The following NRXN1 variants were observed in gnomAD, a reference collection of about 807,000 sequenced individuals.
The protein encoded by NRXN1 is neurexin 1.
NRXN1 carries 39 observed loss-of-function variants against 150.9 expected under a neutral mutation model. That is an observed-to-expected ratio of 0.26 (90% confidence interval 0.20 to 0.34). NRXN1 has a LOEUF of 0.34. Among genes scored for constraint, NRXN1 ranks in the 10% least tolerant of loss-of-function variants. NRXN1 has a pLI of 1.00. For missense variants in NRXN1, 1,815 were observed against 1,949.9 expected (o/e 0.93, Z 1.30); for synonymous variants, 924 against 757.0 (o/e 1.22, Z -3.62).
intron 5 of NRXN1, among the ~76,000 whole-genome samples, chr2:50,901,858 T>C (rs1180342450): frequency 6.6e-6 from 1 of 152,200 alleles, no homozygotes; most frequent in East Asian, 1.9e-4. Context: ...TTTTCAAGCT[T>C]TCAAAATGTT....
intron 19 of NRXN1, among the ~76,000 whole-genome samples, chr2:50,065,858 G>A (rs868582138): frequency 1.4e-4 from 21 of 152,248 alleles, no homozygotes; most frequent in Middle Eastern, 6.8e-3. Flanking sequence ...GATCCTAGTT[G>A]TGACACAAAA....
intron 18 of NRXN1, among the ~76,000 whole-genome samples, chr2:50,194,625 CCA>C (rs2061644650): frequency 6.6e-6 from 1 of 152,110 alleles, no homozygotes; most frequent in Admixed American, 6.6e-5. Flanking sequence ...GACTTGAATT[CCA>C]GTGTCATCTT....
chr2:50,095,538 T>C (rs961985403), intron 18 of NRXN1, among the ~76,000 whole-genome samples: 5 of 152,156 alleles, frequency 3.3e-5, no homozygotes, highest in African/African-American at 1.2e-4. Flanking sequence ...TAAGAAGGTC[T>C]AGATTCAGTG....
chr2:50,290,591 T>C (rs942807263), intron 17 of NRXN1, among the ~76,000 whole-genome samples: 6 of 152,160 alleles, frequency 3.9e-5, no homozygotes, highest in Admixed American at 2.6e-4. Flanking sequence ...CTACGTTCTC[T>C]AGCCAGCTAG....
intron 5 of NRXN1, among the ~76,000 whole-genome samples, chr2:50,760,344 C>G (rs1370418972): frequency 6.6e-6 from 1 of 151,922 alleles, no homozygotes; most frequent in Non-Finnish European, 1.5e-5. Context: ...TCACACACAA[C>G]TTGTTCCCAG....
At chr2:50,830,912 C>T (rs1472800866) in intron 5 of NRXN1, among the ~76,000 whole-genome samples, 4 of 151,838 alleles carry the variant, frequency 2.6e-5, no homozygotes, top group Non-Finnish European at 5.9e-5. Flanking sequence ...CTAAAGTGTT[C>T]GTAGCAGCGC....
chr2:50,085,009 AT>A (rs398104283), intron 19 of NRXN1, among the ~76,000 whole-genome samples: 3 of 110,490 alleles, frequency 2.7e-5, no homozygotes, highest in African/African-American at 6.3e-5. Flanking sequence ...AAAAAAGATA[AT>A]TAAACAGGAA....
chr2:50,871,358 A>G (rs1574778587), intron 5 of NRXN1, among the ~76,000 whole-genome samples: 1 of 151,968 alleles, frequency 6.6e-6, no homozygotes, highest in Non-Finnish European at 1.5e-5. Flanking sequence ...TTAGCTGACA[A>G]TTATATGATT....
rs373799223 is a variant in NRXN1 at position 50,721,687 on chromosome 2, C to T, written c.833-98072G>A. ...GCAGTTAAAAGGAAGTTATACTTAC[C>T]ACTTGCTATTTACTGGACCTTGTGG... On this transcript the variant is annotated intron_variant, in intron 5 of 22. Coordinates refer to ENST00000401669, the MANE Select transcript of NRXN1 (RefSeq NM_001330078.2). 4.6e-5 allele frequency among the ~76,000 whole-genome samples: 7 copies of T among 152,148 alleles called. No individual in the cohort carries two copies. The East Asian group carries it at 1.4e-3, about 29-fold the overall frequency.
chr2:50,161,254 C>T (rs1315475457), intron 18 of NRXN1, among the ~76,000 whole-genome samples: 1 of 152,036 alleles, frequency 6.6e-6, no homozygotes, highest in Non-Finnish European at 1.5e-5. Context: ...TCAAAATGGT[C>T]TTATAAAACA....
intron 17 of NRXN1, among the ~76,000 whole-genome samples, chr2:50,259,231 A>T (rs1233740322): frequency 6.6e-6 from 1 of 151,904 alleles, no homozygotes; most frequent in African/African-American, 2.4e-5. Flanking sequence ...TTTTGTCTAC[A>T]CTGAAAATCT....
chr2:50,794,933 T>A (rs1210814355), intron 5 of NRXN1, among the ~76,000 whole-genome samples: 5 of 152,098 alleles, frequency 3.3e-5, no homozygotes, highest in Non-Finnish European at 2.9e-5. Flanking sequence ...ATCAACCTCA[T>A]CAAATCACTT....
intron 9 of NRXN1, among the ~76,000 whole-genome samples, chr2:50,551,073 A>AGG (rs1491142865): frequency 1.5e-4 from 20 of 132,254 alleles, no homozygotes; most frequent in Non-Finnish European, 2.2e-4. Flanking sequence ...GAAGAAGAAG[A>AGG]AGAGGAGGAG....
intron 19 of NRXN1, among the ~76,000 whole-genome samples, chr2:50,081,100 C>T (rs62132526): frequency 0.093 from 14,182 of 152,160 alleles, 807 homozygotes; most frequent in East Asian, 0.18. Context: ...CCTATGGAGG[C>T]AGAGATTCAA....
chr2:50,427,126 T>G (rs1443216134), intron 17 of NRXN1, among the ~76,000 whole-genome samples: 1 of 152,164 alleles, frequency 6.6e-6, no homozygotes, highest in African/African-American at 2.4e-5. Flanking sequence ...TTTAAGATAC[T>G]AAATCACTGA....
At chr2:49,931,345 C>A (rs1169600061) in intron 22 of NRXN1, among the ~76,000 whole-genome samples, 2 of 152,064 alleles carry the variant, frequency 1.3e-5, no homozygotes, top group Non-Finnish European at 2.9e-5. Flanking sequence ...AATGAAAATA[C>A]TGCATTTGCT....
At chr2:50,649,673 T>C (rs1685328147) in intron 5 of NRXN1, among the ~76,000 whole-genome samples, 1 of 151,960 alleles carries the variant, frequency 6.6e-6, no homozygotes, top group Non-Finnish European at 1.5e-5. Flanking sequence ...CTGTATCACT[T>C]GATTGTTGAG....
chr2:50,121,352 C>A (rs1703834743), intron 18 of NRXN1, among the ~76,000 whole-genome samples: 1 of 152,140 alleles, frequency 6.6e-6, no homozygotes, highest in African/African-American at 2.4e-5. Flanking sequence ...TTAATCCTTA[C>A]AATTACTTTA....
chr2:50,009,312 C>A (rs1200866083), intron 21 of NRXN1, among the ~76,000 whole-genome samples: 1 of 152,122 alleles, frequency 6.6e-6, no homozygotes, highest in Non-Finnish European at 1.5e-5. Context: ...AGAACGTTCT[C>A]ACTAAATGCA....
Sources: allele counts gnomAD v4.1 joint callset (sites outside exome capture counted in the v4.1 genomes callset), GRCh38; gene constraint gnomAD v4.1.1; transcripts MANE v1.5; gene names NCBI Gene and HGNC (gene_info 2026-07-23, HGNC 2026-07-21).